Variants in CXADR observed in about 807,000 individuals in gnomAD.
CXADR encodes the protein coxsackievirus and adenovirus receptor.
CXADR carries 20 observed loss-of-function variants against 40.3 expected under a neutral mutation model. The observed-to-expected ratio is 0.50, with a 90% CI of 0.35 to 0.72. The LOEUF (loss-of-function observed/expected upper bound fraction) is 0.72. Ranked by LOEUF, CXADR falls within the 30% of genes least tolerant of loss-of-function variation. The probability of loss-of-function intolerance (pLI) is 0.01; values close to 1 mark genes in which losing one functional copy is unlikely to be tolerated. For synonymous variants in CXADR, 150 were observed against 161.3 expected, an observed-to-expected ratio of 0.93 and a Z score of 0.53; for missense variants, 332 against 449.1, an observed-to-expected ratio of 0.74 and a Z score of 2.36.
rs367692675 is a variant in CXADR at position 17,548,350 on chromosome 21, C to A, written c.210+1157C>A. Among the ~76,000 whole-genome samples, 48 of 152,236 alleles carry A rather than the reference C, an allele frequency of 3.2e-4. No homozygotes were observed. The South Asian group carries it at 1.0e-2, about 32-fold the overall frequency. On this transcript the variant is annotated intron_variant, in intron 2 of 6. Transcript: ENST00000284878. Reference sequence around the variant, plus strand: ...AAGTTGTGAGTGACTAGAGCCACCCCCTCCAAAGATGTAACCTCTGCCCTG... The same window carrying A: ...AAGTTGTGAGTGACTAGAGCCACCCACTCCAAAGATGTAACCTCTGCCCTG...
intron 1 of CXADR, among the ~76,000 whole-genome samples, chr21:17,531,454 C>G (rs1373407355): frequency 6.6e-6 from 1 of 152,004 alleles, no homozygotes; most frequent in Non-Finnish European, 1.5e-5. Context: ...TGGAAAATTT[C>G]AAATATATGT....
At chr21:17,536,021 ACTC>A (rs1190131208) in intron 1 of CXADR, among the ~76,000 whole-genome samples, 4 of 150,940 alleles carry the variant, frequency 2.7e-5, no homozygotes, top group Non-Finnish European at 4.4e-5. Context: ...AATAAAGAAA[ACTC>A]CTGTTTTTAT....
chr21:17,531,085 G>A (rs2060668750), intron 1 of CXADR, among the ~76,000 whole-genome samples: 1 of 152,082 alleles, frequency 6.6e-6, no homozygotes, highest in Non-Finnish European at 1.5e-5. Context: ...GGATCACGAG[G>A]TCAGGAGTTC....
intron 6 of CXADR, 44 bp downstream of exon 6, chr21:17,561,520 T>C (rs191648127): frequency 1.3e-6 from 2 of 1,524,838 alleles, no homozygotes; most frequent in South Asian, 1.2e-5. Context: ...ACCAAATATA[T>C]GTCATTTCTC....
downstream of CXADR, among the ~76,000 whole-genome samples, chr21:17,574,733 G>A (rs367874298): frequency 7.9e-5 from 12 of 152,248 alleles, no homozygotes; most frequent in South Asian, 1.2e-3. Flanking sequence ...TGATCAGAGC[G>A]CTAATTCTTT....
intron 1 of CXADR, among the ~76,000 whole-genome samples, chr21:17,529,969 G>C (rs1266644024): frequency 2.0e-5 from 3 of 149,986 alleles, no homozygotes; most frequent in Admixed American, 6.6e-5. Context: ...TTTAATTTGA[G>C]ATGGAGTCTC....
At chr21:17,624,718 A>G in the CXADR span, among the ~76,000 whole-genome samples, 2 of 152,174 alleles carry the variant, frequency 1.3e-5, no homozygotes, top group Non-Finnish European at 2.9e-5. Context: ...GGTGCCAGGC[A>G]TGTGGGCATG....
At chr21:17,583,124 CG>C (rs1457417199) in intron 7 of CXADR, among the ~76,000 whole-genome samples, 1 of 152,068 alleles carries the variant, frequency 6.6e-6, no homozygotes, top group Non-Finnish European at 1.5e-5. Context: ...TTCACAGAAA[CG>C]AGAGAACACA....
In CXADR at chr21:17,548,187, AG is replaced by A. The variant is rs202165628; in HGVS notation, c.210+998del. Among the ~76,000 whole-genome samples the A allele has an allele frequency of 5.6e-3, 852 of 152,330 alleles. 3 individuals carry two copies. The highest frequency in any genetic ancestry group is 0.02 in the African/African-American group (824 of 41,570). On this transcript the variant is annotated intron_variant, in intron 2 of 6. Coordinates refer to ENST00000284878, the MANE Select transcript of CXADR (RefSeq NM_001338.5). ...TTACTTCATTTGTTCATGTAAAAGAAGGGGATATTTAAAAGTTACAAGTAAC... is the reference window on the plus strand; with the variant it reads ...TTACTTCATTTGTTCATGTAAAAGAAGGGATATTTAAAAGTTACAAGTAAC...
At chr21:17,626,174 A>G in the CXADR span, among the ~76,000 whole-genome samples, 1 of 152,066 alleles carries the variant, frequency 6.6e-6, no homozygotes, top group Non-Finnish European at 1.5e-5. Flanking sequence ...CGGACAGACT[A>G]TTTTAGAGTT....
intron 3 of CXADR, among the ~76,000 whole-genome samples, chr21:17,556,945 T>TA (rs2061043440): frequency 6.6e-6 from 1 of 152,178 alleles, no homozygotes; most frequent in African/African-American, 2.4e-5. Flanking sequence ...CTTACAGTGT[T>TA]AAAATATGTA....
chr21:17,559,323 G>T (rs1601018158), intron 4 of CXADR, among the ~76,000 whole-genome samples, 192 bp downstream of exon 4: 1 of 149,500 alleles, frequency 6.7e-6, no homozygotes, highest in East Asian at 2.0e-4. Context: ...GGAACTACAG[G>T]TGCATGCCAT....
chr21:17,535,646 G>A (rs1354317628), intron 1 of CXADR, among the ~76,000 whole-genome samples: 1 of 152,180 alleles, frequency 6.6e-6, no homozygotes, highest in Middle Eastern at 3.4e-3. Flanking sequence ...ATAACATTTG[G>A]TATTAAGGTC....
At chr21:17,518,991 C>G in intron 1 of CXADR, 1 of 1,608,186 alleles carries the variant, frequency 6.2e-7, no homozygotes, top group Non-Finnish European at 8.5e-7. Flanking sequence ...TTTCTTGATT[C>G]ATGCTGTTGG....
intron 7 of CXADR, among the ~76,000 whole-genome samples, chr21:17,575,914 C>T (rs62239944): frequency 6.6e-6 from 1 of 150,478 alleles, no homozygotes; most frequent in African/African-American, 2.4e-5. Flanking sequence ...ATGGTGAAAC[C>T]CTGTCTCTAC....
intron 2 of CXADR, among the ~76,000 whole-genome samples, chr21:17,548,593 G>A (rs1250495218): frequency 6.6e-6 from 1 of 152,178 alleles, no homozygotes; most frequent in Non-Finnish European, 1.5e-5. Flanking sequence ...TCCCGCTTTA[G>A]AGCCCAGGAC....
chr21:17,588,243 T>G (rs900343148), intron 7 of CXADR, among the ~76,000 whole-genome samples: 2 of 152,192 alleles, frequency 1.3e-5, no homozygotes, highest in African/African-American at 4.8e-5. Flanking sequence ...ATATGAACTT[T>G]AAAGTAGTTT....
intron 1 of CXADR, among the ~76,000 whole-genome samples, chr21:17,524,846 C>T (rs1216054064): frequency 6.6e-6 from 1 of 151,996 alleles, no homozygotes; most frequent in African/African-American, 2.4e-5. Flanking sequence ...GAGGTCAAGG[C>T]TGCAGTGAGC....
the CXADR span, among the ~76,000 whole-genome samples, chr21:17,632,515 G>A: frequency 3.9e-5 from 6 of 152,170 alleles, no homozygotes; most frequent in African/African-American, 1.2e-4. Context: ...TTTCCAAAGC[G>A]CGACATTTAG....
Sources: allele counts gnomAD v4.1 joint callset (sites outside exome capture counted in the v4.1 genomes callset), GRCh38; gene constraint gnomAD v4.1.1; transcripts MANE v1.5; gene names NCBI Gene and HGNC (gene_info 2026-07-23, HGNC 2026-07-21).